METTL15: variants seen among roughly 807,000 people sequenced by gnomAD.
The protein encoded by METTL15 is methyltransferase 15, mitochondrial 12S rRNA N4-cytidine, also known as 12S rRNA N(4)-cytidine methyltransferase METTL15.
A neutral mutation model predicts 38.3 loss-of-function variants in METTL15; 34 were observed. The ratio of observed to expected loss-of-function variants is 0.89; its 90% CI spans 0.68 to 1.18. The LOEUF (loss-of-function observed/expected upper bound fraction) is 1.18, where lower values mean the gene tolerates loss of function less well. METTL15 is among the 50% of genes most tolerant of loss of function. The pLI, the probability that METTL15 is intolerant of heterozygous loss-of-function variation, is 0.00. For missense variants in METTL15, 438 were observed against 498.4 expected, an observed-to-expected ratio of 0.88 and a Z score of 1.15; for synonymous variants, 162 against 170.9, an observed-to-expected ratio of 0.95 and a Z score of 0.41.
At chr11:28,229,583 T>G (rs1324937329) in intron 4 of METTL15, among the ~76,000 whole-genome samples, 3 of 151,998 alleles carry the variant, frequency 2.0e-5, no homozygotes, top group African/African-American at 7.2e-5. Flanking sequence ...TATAAAAGAT[T>G]GCAGGGAGTT....
chr11:28,361,510 T>G (rs1850138433), intron 4 of METTL15, among the ~76,000 whole-genome samples: 1 of 152,174 alleles, frequency 6.6e-6, no homozygotes, highest in Non-Finnish European at 1.5e-5. Flanking sequence ...TGAACTTTGA[T>G]TTCTCAAAAA....
At chr11:28,493,657 G>A (rs1302909161) in intron 6 of METTL15, among the ~76,000 whole-genome samples, 3 of 152,104 alleles carry the variant, frequency 2.0e-5, no homozygotes, top group African/African-American at 2.4e-5. Context: ...ATACAACTGC[G>A]TAAAACTAAT....
intron 4 of METTL15, among the ~76,000 whole-genome samples, chr11:28,267,966 G>A (rs1383799536): frequency 1.3e-5 from 2 of 152,020 alleles, no homozygotes; most frequent in African/African-American, 4.8e-5. Flanking sequence ...GGGAGGCCGA[G>A]GCGGGTGGAT....
At chr11:28,329,601 T>A (rs1157264279) in intron 6 of METTL15, among the ~76,000 whole-genome samples, 1 of 152,142 alleles carries the variant, frequency 6.6e-6, no homozygotes, top group Non-Finnish European at 1.5e-5. Context: ...CTGTGAACAT[T>A]CAGTAATTTC....
At chr11:28,525,694 T>C (rs1353496375) in intron 6 of METTL15, among the ~76,000 whole-genome samples, 1 of 152,228 alleles carries the variant, frequency 6.6e-6, no homozygotes, top group African/African-American at 2.4e-5. Flanking sequence ...ACATAAAGAT[T>C]CTCCAAGTCC....
intron 4 of METTL15, among the ~76,000 whole-genome samples, chr11:28,356,663 C>T (rs920854851): frequency 6.6e-6 from 1 of 152,176 alleles, no homozygotes; most frequent in Non-Finnish European, 1.5e-5. Context: ...CATGAATTCT[C>T]ATTTGGCAAA....
chr11:28,202,032 G>A (rs1852135988), intron 3 of METTL15, among the ~76,000 whole-genome samples: 1 of 152,138 alleles, frequency 6.6e-6, no homozygotes, highest in African/African-American at 2.4e-5. Context: ...ACTCTATCCT[G>A]TAGCTTTGGA....
chr11:28,221,781 C>T (rs1853236906), intron 4 of METTL15, among the ~76,000 whole-genome samples: 1 of 152,144 alleles, frequency 6.6e-6, no homozygotes, highest in Non-Finnish European at 1.5e-5. Flanking sequence ...AGTCAGGACC[C>T]TCAGCTGCAC....
At chr11:28,258,668 A>G (rs1479711952) in intron 4 of METTL15, among the ~76,000 whole-genome samples, 1 of 152,090 alleles carries the variant, frequency 6.6e-6, no homozygotes, top group East Asian at 1.9e-4. Flanking sequence ...CCATGGGCCC[A>G]TGGGGAATAC....
At chr11:28,294,874 G>T (rs370013780) in intron 5 of METTL15, among the ~76,000 whole-genome samples, 164 of 152,150 alleles carry the variant, frequency 1.1e-3, no homozygotes, top group African/African-American at 2.2e-3. Context: ...AAAATTATGT[G>T]TTGAACAAAA....
chr11:28,191,492 G>GT (rs1003579761), intron 3 of METTL15, among the ~76,000 whole-genome samples: 13 of 150,854 alleles, frequency 8.6e-5, no homozygotes, highest in African/African-American at 2.2e-4. Context: ...CTTCCAAAAG[G>GT]TTTTTTTTCA....
chr11:28,486,643 A>G (rs1186294336), intron 6 of METTL15, among the ~76,000 whole-genome samples: 1 of 152,174 alleles, frequency 6.6e-6, no homozygotes, highest in Non-Finnish European at 1.5e-5. Flanking sequence ...GCCCAGAAGT[A>G]ACCTCTCATT....
At chr11:28,290,500 A>C (rs779523905) in intron 5 of METTL15, 103 bp downstream of exon 5, 6 of 943,704 alleles carry the variant, frequency 6.4e-6, no homozygotes, top group Non-Finnish European at 9.8e-6. Context: ...TTACATGCCT[A>C]CACCTAACAC....
At chr11:28,277,463 C>A (rs192932455) in intron 4 of METTL15, among the ~76,000 whole-genome samples, 9 of 152,054 alleles carry the variant, frequency 5.9e-5, no homozygotes, top group Non-Finnish European at 1.3e-4. Context: ...TTTGGGAGGC[C>A]GAAGCGGGCA....
chr11:28,489,224 C>T (rs1276564729), intron 6 of METTL15, among the ~76,000 whole-genome samples: 2 of 152,088 alleles, frequency 1.3e-5, no homozygotes, highest in Admixed American at 6.6e-5. Context: ...CCAGTACAGG[C>T]CACATGTTTG....
intron 3 of METTL15, among the ~76,000 whole-genome samples, chr11:28,345,400 G>A (rs1849987897): frequency 1.3e-5 from 2 of 152,182 alleles, no homozygotes; most frequent in Admixed American, 6.5e-5. Flanking sequence ...ATGTTAGCCA[G>A]GCTGGTCTTG....
At chr11:28,213,424 A>T (rs1349110014) in intron 4 of METTL15, among the ~76,000 whole-genome samples, 2 of 151,980 alleles carry the variant, frequency 1.3e-5, no homozygotes, top group African/African-American at 4.8e-5. Flanking sequence ...TAGACACAAG[A>T]TAAGTTCATC....
At chr11:28,350,451 T>C (rs1455642698) in intron 3 of METTL15, among the ~76,000 whole-genome samples, 1 of 152,230 alleles carries the variant, frequency 6.6e-6, no homozygotes, top group African/African-American at 2.4e-5. Context: ...TCACCCATAC[T>C]CTACAATTTA....
At chr11:28,207,684 G>A (rs921288984) in intron 3 of METTL15, among the ~76,000 whole-genome samples, 3 of 152,250 alleles carry the variant, frequency 2.0e-5, no homozygotes, top group Middle Eastern at 3.4e-3. Flanking sequence ...AGAAGGAATG[G>A]TACCAATTCC....
Sources: allele counts gnomAD v4.1 joint callset (sites outside exome capture counted in the v4.1 genomes callset), GRCh38; gene constraint gnomAD v4.1.1; transcripts MANE v1.5; gene names NCBI Gene and HGNC (gene_info 2026-07-23, HGNC 2026-07-21).